HOXB13: variants seen among roughly 807,000 people sequenced by gnomAD.
HOXB13 encodes homeobox B13, also known as homeobox protein Hox-B13.
Under a neutral mutation model 23.1 loss-of-function variants are expected in HOXB13, and 22 were observed. That is an observed-to-expected ratio of 0.95 (90% CI 0.68 to 1.36). The LOEUF (loss-of-function observed/expected upper bound fraction) is 1.36. Among genes scored for constraint, HOXB13 ranks in the 40% most tolerant of loss-of-function variants. HOXB13 has a pLI of 0.00. For missense variants in HOXB13, 386 were observed against 376.2 expected, an observed-to-expected ratio of 1.03 and a Z score of -0.22; for synonymous variants, 173 against 157.9, an observed-to-expected ratio of 1.10 and a Z score of -0.72.
chr17:48,725,460 G>C lies in HOXB13; in HGVS notation c.*1330C>G, dbSNP rs1479976005. ...CGGGCCATAAACACTTGGCTGCGGCGGCCGCCGCGGGGTTTCTAGGAGAGC... is the reference window on the plus strand; with the variant it reads ...CGGGCCATAAACACTTGGCTGCGGCCGCCGCCGCGGGGTTTCTAGGAGAGC... On this transcript the variant is annotated 3_prime_UTR_variant, in exon 2 of 2. Transcript: ENST00000290295. The C allele has an allele frequency of 6.6e-6, 1 of 152,162 alleles. No individual in the cohort carries two copies. The highest frequency in any genetic ancestry group is 1.5e-5 in the Non-Finnish European group (1 of 68,054). 9.4% of individuals were successfully genotyped at this position (152,162 alleles called of 1,614,324 possible). A position where few individuals can be genotyped will look rare whatever the true frequency, so the allele number is the denominator to read the frequency against.
chr17:48,727,986 G>C lies in HOXB13; in HGVS notation c.601+7C>G, dbSNP rs752322954. 3.6e-5 allele frequency: 58 copies of C among 1,612,638 alleles called. No individual in the cohort carries two copies. Among genetic ancestry groups the C allele is most frequent in the Non-Finnish European group, 4.8e-5 (57 of 1,179,362 alleles). ...AGAGACAAGGGGACCCAGGGTAATA[G>C]AGGTACCTGCAAATGCTGCCTTCCA... On this transcript the variant is annotated splice_region_variant and intron_variant, in intron 1 of 1. Transcript: ENST00000290295.
In HOXB13 at chr17:48,726,707, T is replaced by C. The variant is rs890223609; in HGVS notation, c.*83A>G. Reference sequence around the variant, plus strand: ...TCTAGGGGCCTCTCAGCAGAGTCCTTGGCCCCAGCCTGGGCTTGGCAGGTT... The same window carrying C: ...TCTAGGGGCCTCTCAGCAGAGTCCTCGGCCCCAGCCTGGGCTTGGCAGGTT... On this transcript the variant is annotated 3_prime_UTR_variant, in exon 2 of 2. Coordinates refer to ENST00000290295, the MANE Select transcript of HOXB13 (RefSeq NM_006361.6). The C allele has an allele frequency of 1.3e-6, 2 of 1,537,180 alleles. No individual in the cohort carries two copies. The highest frequency in any genetic ancestry group is 1.9e-5 in the Admixed American group (1 of 53,574).
At position 48,726,999 on chromosome 17, in the gene HOXB13, C is replaced by A. The variant is rs375917549; in HGVS notation, c.646G>T (p.Gly216Cys). Residue 216 changes from glycine (G) to cysteine (C), a missense_variant, in exon 2 of 2, where the codon GGC becomes TGC. Coordinates refer to ENST00000290295, the MANE Select transcript of HOXB13 (RefSeq NM_006361.6). ...HPPDACAFRR[G>C]RKKRIPYSKG... ...CTGTACGGAATGCGTTTCTTGCGGC[C>A]GCGACGAAAGGCGCAGGCGTCAGGA... The A allele has an allele frequency of 1.4e-5, 22 of 1,611,460 alleles. No individual in the cohort carries two copies. Among genetic ancestry groups the A allele is most frequent in the Non-Finnish European group, 1.9e-5 (22 of 1,180,012 alleles).
rs773669789 is a variant in HOXB13, at chr17:48,727,089, CA to C, written c.602-47del. Reference sequence around the variant, plus strand: ...GGAGGAAAAGGCATGGTCAGATACCCACCCATGCAGACCCAGGCCTTGCAAG... The same window carrying C: ...GGAGGAAAAGGCATGGTCAGATACCCCCCATGCAGACCCAGGCCTTGCAAG... On this transcript the variant is annotated intron_variant, in intron 1 of 1. Transcript: ENST00000290295. 8.8e-6 allele frequency: 14 copies of C among 1,592,838 alleles called. No individual in the cohort carries two copies. In the East Asian group the frequency reaches 2.9e-4, roughly 33 times the overall value.
chr17:48,727,117 C>T, intron 1 of HOXB13, 74 bp from the exon 2 acceptor site: 12 of 1,562,402 alleles, frequency 7.7e-6, no homozygotes, highest in South Asian at 2.3e-5. Flanking sequence ...CCTTGCAAGC[C>T]CCAAGCTAAG....
rs1295926376 is a variant in HOXB13, at chr17:48,726,798, T to C, written c.847A>G (p.Thr283Ala). Residue 283 changes from threonine (T) to alanine (A), a missense_variant, in exon 2 of 2, where the codon ACC (threonine) becomes GCC (alanine). Thr to Ala is a moderately conservative substitution (Grantham distance 58, BLOSUM62 0). Coordinates refer to ENST00000290295, the MANE Select transcript of HOXB13 (RefSeq NM_006361.6). The part of the protein sequence containing the change: ...KVLAKVKNSA[T>A]P ...CCAGGCAAGGAGATCTCTTAAGGGG[T>C]AGCGCTGTTCTTCACCTTGGCGAGA... is the stretch of plus-strand genomic sequence containing the variant. 3 of 1,614,092 alleles carry C rather than the reference T, an allele frequency of 1.9e-6. No individual in the cohort carries two copies. The highest frequency in any genetic ancestry group is 1.7e-6 in the Non-Finnish European group (2 of 1,180,004).
rs587780164 is a variant in HOXB13, at chr17:48,728,095, C to A, written c.499G>T (p.Asp167Tyr). The A allele has an allele frequency of 6.2e-7, 1 of 1,614,224 alleles. No individual in the cohort carries two copies. Among genetic ancestry groups the A allele is most frequent in the Middle Eastern group, 1.6e-4 (1 of 6,062 alleles). Residue 167 changes from aspartate to tyrosine, a missense_variant, in exon 1 of 2, where the codon GAC (aspartate) becomes TAC (tyrosine). Coordinates refer to ENST00000290295, the MANE Select transcript of HOXB13 (RefSeq NM_006361.6). The part of the protein sequence containing the change: ...EPRHDSLLPV[D>Y]SYQSWALAGG... ...GCGAGAGCCCAAGACTGGTAACTGTCCACAGGCAACAGGGAGTCATGTCGC... is the reference window on the plus strand; with the variant it reads ...GCGAGAGCCCAAGACTGGTAACTGTACACAGGCAACAGGGAGTCATGTCGC...
Position 48,724,767 on chromosome 17 carries a change from G to C in HOXB13, c.*2023C>G, listed in dbSNP as rs1284200688. 1.2e-6 allele frequency: 1 copy of C among 804,418 alleles called. No homozygotes were observed. The highest frequency in any genetic ancestry group is 6.5e-5 in the South Asian group (1 of 15,324). The allele number at this position is 804,418 out of a possible 1,614,324, so 49.8% of individuals were successfully genotyped here. A position where few individuals can be genotyped will look rare whatever the true frequency, so the allele number is the denominator to read the frequency against. The stretch of plus-strand genomic sequence containing the variant: ...AAATCTCTAAGATTCCACATCTTTT[G>C]TTTGCTCTGAATTTATTGCGAGTGA... On this transcript the variant is annotated 3_prime_UTR_variant, in exon 2 of 2. Coordinates refer to ENST00000290295, the MANE Select transcript of HOXB13 (RefSeq NM_006361.6).
chr17:48,725,321 CT>C lies in HOXB13; in HGVS notation c.*1468del. On this transcript the variant is annotated 3_prime_UTR_variant, in exon 2 of 2. Transcript: ENST00000290295. The stretch of plus-strand genomic sequence containing the variant: ...TCCGCATGCACTCACACTCTTTGGC[CT>C]TTTCCCTCAGTCCCGGGCTCCTCTT... The C allele has an allele frequency of 6.6e-6, 1 of 152,628 alleles. No homozygotes were observed. The highest frequency in any genetic ancestry group is 1.5e-5 in the Non-Finnish European group (1 of 68,202). The allele number at this position is 152,628 out of a possible 1,614,324, so 9.5% of individuals were successfully genotyped here. A position where few individuals can be genotyped will look rare whatever the true frequency, so the allele number is the denominator to read the frequency against.
Position 48,728,463 on chromosome 17 carries a change from G to A in HOXB13, c.131C>T (p.Pro44Leu), listed in dbSNP as rs866159706. 1.9e-6 allele frequency: 3 copies of A among 1,613,282 alleles called. No individual in the cohort carries two copies. Among genetic ancestry groups the A allele is most frequent in the African/African-American group, 2.7e-5 (2 of 75,066 alleles). ...TSHPAAPTLMPAVNYAPLDLP... is the reference protein window; with the variant it reads ...TSHPAAPTLMLAVNYAPLDLP... ...ATCCAAGGGGGCATAGTTGACAGCA[G>A]GCATCAGCGTAGGCGCCGCTGGGTG... Residue 44 changes from proline (P) to leucine (L), a missense_variant, in exon 1 of 2, where the codon CCT becomes CTT. By Grantham distance (98) the Pro-to-Leu change is moderately conservative (BLOSUM62 -3). Coordinates refer to ENST00000290295, the MANE Select transcript of HOXB13 (RefSeq NM_006361.6).
chr17:48,726,910 C>G lies in HOXB13; in HGVS notation c.735G>C (p.Lys245Asn). ...YAANKFITKDKRRKISAATSL... is the reference protein window; with the variant it reads ...YAANKFITKDNRRKISAATSL... ...TGGTGGCTGCCGAGATCTTGCGCCT[C>G]TTGTCCTTGGTGATGAACTTGTTAG... The change falls in exon 2 of 2, where the codon AAG (lysine) becomes AAC (asparagine). Residue 245 changes from lysine (K) to asparagine (N), a missense_variant. Lys to Asn is a moderately conservative substitution (Grantham distance 94). Coordinates refer to ENST00000290295, the MANE Select transcript of HOXB13 (RefSeq NM_006361.6). 1 of 1,614,086 alleles carries G rather than the reference C, an allele frequency of 6.2e-7. No individual in the cohort carries two copies. Among genetic ancestry groups the G allele is most frequent in the Non-Finnish European group, 8.5e-7 (1 of 1,179,996 alleles).
intron 1 of HOXB13, 70 bp downstream of exon 1, chr17:48,727,923 C>T: frequency 6.5e-7 from 1 of 1,535,998 alleles, no homozygotes; most frequent in Middle Eastern, 1.7e-4. Flanking sequence ...TCCTCCTCCT[C>T]CCAGGGAAAT....
In HOXB13 at chr17:48,726,984, T is replaced by A. The variant is rs2038218506; in HGVS notation, c.661A>T (p.Ile221Phe). 3 of 1,612,462 alleles carry A rather than the reference T, an allele frequency of 1.9e-6. No individual in the cohort carries two copies. Among genetic ancestry groups the A allele is most frequent in the South Asian group, 2.2e-5 (2 of 91,088 alleles). ...CGCAACTGCCCCTTGCTGTACGGAATGCGTTTCTTGCGGCCGCGACGAAAG... is the reference window on the plus strand; with the variant it reads ...CGCAACTGCCCCTTGCTGTACGGAAAGCGTTTCTTGCGGCCGCGACGAAAG... Reference protein sequence around the residue: ...CAFRRGRKKRIPYSKGQLREL... With the variant: ...CAFRRGRKKRFPYSKGQLREL... Residue 221 changes from isoleucine (I) to phenylalanine (F), a missense_variant, in exon 2 of 2, where the codon ATT becomes TTT. Physicochemically the swap from Ile to Phe is conservative, Grantham distance 21 (BLOSUM62 0). Transcript: ENST00000290295.
chr17:48,724,912 G>T lies in HOXB13; in HGVS notation c.*1878C>A, dbSNP rs2038190373. The T allele has an allele frequency of 2.7e-6, 1 of 366,970 alleles. No individual in the cohort carries two copies. The highest frequency in any genetic ancestry group is 2.1e-5 in the African/African-American group (1 of 48,102). 22.7% of individuals were successfully genotyped at this position (366,970 alleles called of 1,614,324 possible). A position where few individuals can be genotyped will look rare whatever the true frequency, so the allele number is the denominator to read the frequency against. The stretch of plus-strand genomic sequence containing the variant: ...TACCAGGGCCATCTCCGTTAGTGGC[G>T]GTGGCAGCCCCTCTTGTGGCCTTTT... On this transcript the variant is annotated 3_prime_UTR_variant, in exon 2 of 2. Coordinates refer to ENST00000290295, the MANE Select transcript of HOXB13 (RefSeq NM_006361.6).
rs370633734 is a variant in HOXB13 at position 48,727,039 on chromosome 17, G to A, written c.606C>T (p.Ser202=). The A allele has an allele frequency of 8.7e-6, 14 of 1,605,912 alleles. No homozygotes were observed. The highest frequency in any genetic ancestry group is 4.0e-5 in the African/African-American group (3 of 74,916). ...AGGCGTCAGGAGGGTGCTGCCCGCT[G>A]GAGTCTGCGCGGCGTGAAAGGGAGG... ...GPFWKAAFAD[S]SGQHPPDACA... is the part of the protein sequence containing the mutation. Residue 202 remains serine (S), a synonymous_variant, in exon 2 of 2, where the codon TCC becomes TCT. Coordinates refer to ENST00000290295, the MANE Select transcript of HOXB13 (RefSeq NM_006361.6).
rs2038200881 is a variant in HOXB13, at chr17:48,725,664, C to G, written c.*1126G>C. 2 of 153,080 alleles carry G rather than the reference C, an allele frequency of 1.3e-5. No individual in the cohort carries two copies. Among genetic ancestry groups the G allele is most frequent in the South Asian group, 2.1e-4 (1 of 4,834 alleles). The allele number at this position is 153,080 out of a possible 1,614,324, so 9.5% of individuals were successfully genotyped here. A position where few individuals can be genotyped will look rare whatever the true frequency, so the allele number is the denominator to read the frequency against. On this transcript the variant is annotated 3_prime_UTR_variant, in exon 2 of 2. Transcript: ENST00000290295. ...AATGCGCCGGCAGGCCCCCCACCCC[C>G]AGCCTAAGGTGCAGGAAGGACCAGC...
At position 48,728,233 on chromosome 17, in the gene HOXB13, G is replaced by C. The variant is rs766909225; in HGVS notation, c.361C>G (p.Pro121Ala). 6.6e-5 allele frequency: 107 copies of C among 1,614,092 alleles called. No individual in the cohort carries two copies. The highest frequency in any genetic ancestry group is 8.9e-5 in the Non-Finnish European group (105 of 1,180,038). ...AAGGCAAACTCAGTGGGGCGGCTGGGGTACTCTTCCCCGGCCGTGGGAGTC... is the reference window on the plus strand; with the variant it reads ...AAGGCAAACTCAGTGGGGCGGCTGGCGTACTCTTCCCCGGCCGTGGGAGTC... The part of the protein sequence containing the change: ...AETPTAGEEY[P>A]SRPTEFAFYP... The change falls in exon 1 of 2, where the codon CCC becomes GCC. Residue 121 changes from proline (P) to alanine (A), a missense_variant. Pro to Ala is a conservative substitution (Grantham distance 27). Coordinates refer to ENST00000290295, the MANE Select transcript of HOXB13 (RefSeq NM_006361.6).
In HOXB13 at chr17:48,726,144, C is replaced by A. The variant is rs921438933; in HGVS notation, c.*646G>T. The A allele has an allele frequency of 9.2e-5, 14 of 152,294 alleles. No homozygotes were observed. The highest frequency in any genetic ancestry group is 3.4e-4 in the African/African-American group (14 of 41,456). The allele number at this position is 152,294 out of a possible 1,614,324, so 9.4% of individuals were successfully genotyped here. ...GCAGCCTGCTGGCTTCATTTTCACACGACAGAAAAATCATCGTATTAAGGA... is the reference window on the plus strand; with the variant it reads ...GCAGCCTGCTGGCTTCATTTTCACAAGACAGAAAAATCATCGTATTAAGGA... On this transcript the variant is annotated 3_prime_UTR_variant, in exon 2 of 2. Coordinates refer to ENST00000290295, the MANE Select transcript of HOXB13 (RefSeq NM_006361.6).
chr17:48,726,595 TG>T lies in HOXB13; in HGVS notation c.*194del. ...AACCCTGGTGGAGTGGGCTGTCACA[TG>T]GGGTTCCGTCTCCCTGCACATACTG... On this transcript the variant is annotated 3_prime_UTR_variant, in exon 2 of 2. Transcript: ENST00000290295. 1.6e-6 allele frequency: 1 copy of T among 628,528 alleles called. No individual in the cohort carries two copies. The highest frequency in any genetic ancestry group is 2.7e-6 in the Non-Finnish European group (1 of 366,384). The allele number at this position is 628,528 out of a possible 1,614,324, so 38.9% of individuals were successfully genotyped here.
Sources: allele counts gnomAD v4.1 joint callset, GRCh38; gene constraint gnomAD v4.1.1; transcripts MANE v1.5; gene names NCBI Gene and HGNC (gene_info 2026-07-23, HGNC 2026-07-21).